SYNE2: variants seen among roughly 807,000 people sequenced by gnomAD.
SYNE2 encodes the protein nesprin-2.
In SYNE2, 431 loss-of-function variants were observed where a neutral mutation model predicts 856.3. The ratio of observed to expected loss-of-function variants is 0.50; its 90% confidence interval spans 0.47 to 0.55. SYNE2 has a LOEUF of 0.55. Ranked by LOEUF, SYNE2 falls within the 20% of genes least tolerant of loss-of-function variation. The probability of loss-of-function intolerance (pLI) is 0.00; values close to 1 mark genes in which losing one functional copy is unlikely to be tolerated. For synonymous variants in SYNE2, 2,923 were observed against 2,872.3 expected, an observed-to-expected ratio of 1.02 and a Z score of -0.56; for missense variants, 8,129 against 8,023.2, an observed-to-expected ratio of 1.01 and a Z score of -0.50.
chr14:63,779,441 A>G (rs1162658260), intron 1 of SYNE2, among the ~76,000 whole-genome samples: 1 of 145,322 alleles, frequency 6.9e-6, no homozygotes, highest in Non-Finnish European at 1.5e-5. Flanking sequence ...ACTGGTCTCA[A>G]AAAAAAAAAA....
chr14:63,871,995 A>G (rs1277576373), intron 1 of SYNE2, among the ~76,000 whole-genome samples: 1 of 151,994 alleles, frequency 6.6e-6, no homozygotes, highest in Non-Finnish European at 1.5e-5. Context: ...TATCATGCTT[A>G]TGTGTTGCTT....
At chr14:63,792,712 G>A (rs116147996) in intron 1 of SYNE2, among the ~76,000 whole-genome samples, 1,592 of 152,096 alleles carry the variant, frequency 0.01, 31 homozygotes, top group African/African-American at 0.036. Flanking sequence ...TCTCGCCAAG[G>A]TTGGAGTGAG....
chr14:64,139,664 C>T (rs1436098890), intron 79 of SYNE2, among the ~76,000 whole-genome samples: 2 of 151,608 alleles, frequency 1.3e-5, no homozygotes, highest in Non-Finnish European at 2.9e-5. Context: ...CCACCTTTTT[C>T]GGCCTCCCAA....
intron 46 of SYNE2, chr14:64,048,779 T>G (rs1325591235): frequency 6.6e-6 from 1 of 151,940 alleles, no homozygotes; most frequent in Non-Finnish European, 1.5e-5. Context: ...CAAGATGATG[T>G]GTGCCTGTAG....
intron 6 of SYNE2, among the ~76,000 whole-genome samples, chr14:63,948,345 C>T (rs955982663): frequency 1.3e-5 from 2 of 152,002 alleles, no homozygotes; most frequent in African/African-American, 2.4e-5. Context: ...TACTATTTCT[C>T]ATTTGACCCA....
intron 111 of SYNE2, 78 bp from the exon 112 acceptor site, chr14:64,221,498 A>G (rs1280536013): frequency 6.2e-7 from 1 of 1,613,878 alleles, no homozygotes; most frequent in Non-Finnish European, 8.5e-7. Context: ...ATGGATTGGA[A>G]GCAGTAAGCC....
intron 110 of SYNE2, 109 bp from the exon 111 acceptor site, chr14:64,220,328 G>A (rs1292624101): frequency 9.1e-6 from 11 of 1,213,396 alleles, no homozygotes; most frequent in Admixed American, 5.7e-5. Flanking sequence ...CATTTCTGTG[G>A]CCGCAGCTTG....
At chr14:63,814,598 T>C (rs1481587619) in intron 1 of SYNE2, among the ~76,000 whole-genome samples, 1 of 137,530 alleles carries the variant, frequency 7.3e-6, no homozygotes, top group Admixed American at 7.8e-5. Flanking sequence ...ATAATATAGA[T>C]CCTTATATAG....
At chr14:64,210,850 T>G (rs2098637026) in intron 103 of SYNE2, among the ~76,000 whole-genome samples, 2 of 152,132 alleles carry the variant, frequency 1.3e-5, no homozygotes, top group East Asian at 3.9e-4. Context: ...TCTCTCTCTC[T>G]CCCCCTCCCT....
intron 10 of SYNE2, 116 bp downstream of exon 10, chr14:63,964,116 T>A: frequency 1.4e-6 from 1 of 710,770 alleles, no homozygotes; most frequent in Non-Finnish European, 2.4e-6. Context: ...CACTGAAAGT[T>A]TTAAGGCTGA....
intron 1 of SYNE2, among the ~76,000 whole-genome samples, chr14:63,836,430 C>G (rs1595158910): frequency 6.6e-6 from 1 of 152,182 alleles, no homozygotes; most frequent in Non-Finnish European, 1.5e-5. Flanking sequence ...TTTGTTCAGA[C>G]TATAAACATT....
chr14:64,131,390 A>G (rs1179648850), intron 76 of SYNE2, among the ~76,000 whole-genome samples: 1 of 152,218 alleles, frequency 6.6e-6, no homozygotes, highest in East Asian at 1.9e-4. Context: ...AGGAAGCTTT[A>G]TGTCCAGGAT....
At chr14:64,174,095 A>C in intron 94 of SYNE2, 1 of 502,810 alleles carries the variant, frequency 2.0e-6, no homozygotes, top group Non-Finnish European at 3.5e-6. Flanking sequence ...TCCTTGAGAC[A>C]AAGCGTCACT....
intron 90 of SYNE2, chr14:64,166,832 C>G (rs936512495): frequency 4.2e-6 from 1 of 240,536 alleles, no homozygotes; most frequent in African/African-American, 2.3e-5. Flanking sequence ...ACTTGGGAGG[C>G]TGAAGCAGGA....
At chr14:63,985,104 C>A (rs1175823207) in intron 18 of SYNE2, among the ~76,000 whole-genome samples, 4 of 152,096 alleles carry the variant, frequency 2.6e-5, no homozygotes, top group African/African-American at 9.7e-5. Context: ...CCAAGGCAGG[C>A]AGATCATTTG....
intron 65 of SYNE2, 140 bp from the exon 66 acceptor site, chr14:64,113,201 G>A: frequency 6.6e-7 from 1 of 1,515,984 alleles, no homozygotes; most frequent in Admixed American, 2.1e-5. Flanking sequence ...GAGTGTGGAG[G>A]TGCATTTCTC....
At chr14:64,204,466 G>C (rs764543779) in intron 100 of SYNE2, 18 of 152,180 alleles carry the variant, frequency 1.2e-4, no homozygotes, top group Non-Finnish European at 1.5e-4. Context: ...AATTTTGCAG[G>C]GGCTGTTGAT....
chr14:63,996,473 C>G (rs756337709), intron 23 of SYNE2, among the ~76,000 whole-genome samples: 1 of 152,152 alleles, frequency 6.6e-6, no homozygotes, highest in Non-Finnish European at 1.5e-5. Context: ...CAGGAAACCC[C>G]TTTAGCATCC....
In SYNE2 at chr14:63,983,868, T is replaced by C. The variant is rs1245966370; in HGVS notation, c.2133T>C (p.Asn711=). 9 of 1,559,288 alleles carry C rather than the reference T, an allele frequency of 5.8e-6. No homozygotes were observed. Among genetic ancestry groups the C allele is most frequent in the Non-Finnish European group, 7.9e-6 (9 of 1,134,642 alleles). ...STDMSVELPE[N]YNQNIKAGEK... ...ATATGTCAGTAGAACTTCCTGAAAA[T>C]TATAATCAAAATATAAAGGTAAAAT... is the stretch of plus-strand genomic sequence containing the variant. Residue 711 remains asparagine (N), a synonymous_variant, in exon 18 of 116, where the codon AAT becomes AAC. Coordinates refer to ENST00000555002, the MANE Select transcript of SYNE2 (RefSeq NM_182914.3).
Sources: allele counts gnomAD v4.1 joint callset (sites outside exome capture counted in the v4.1 genomes callset), GRCh38; gene constraint gnomAD v4.1.1; transcripts MANE v1.5; gene names NCBI Gene and HGNC (gene_info 2026-07-23, HGNC 2026-07-21).